The following UNC119B variants were observed in gnomAD, a reference collection of about 807,000 sequenced individuals.
UNC119B encodes the protein unc-119 lipid binding chaperone B.
A neutral mutation model predicts 23.4 loss-of-function variants in UNC119B; 16 were observed. That is an observed-to-expected ratio of 0.68 (90% confidence interval 0.46 to 1.04). UNC119B has a LOEUF of 1.04. UNC119B is among the 50% of genes least tolerant of loss of function. UNC119B has a pLI of 0.00. For synonymous variants in UNC119B, 144 were observed against 145.4 expected (o/e 0.99, Z 0.07); for missense variants, 350 against 361.3 (o/e 0.97, Z 0.25).
rs998904141 is a variant in UNC119B at position 120,721,472 on chromosome 12, A to T, written c.*1440A>T. ...GTACCTGTGACAGGAGAGTGTCCTG[A>T]TGTGCTTGGGAGAAAGGCCGTATGG... On this transcript the variant is annotated 3_prime_UTR_variant, in exon 5 of 5. Coordinates refer to ENST00000344651, the MANE Select transcript of UNC119B (RefSeq NM_001080533.3). 1 of 152,236 alleles carries T rather than the reference A, an allele frequency of 6.6e-6. No individual in the cohort carries two copies. Among genetic ancestry groups the T allele is most frequent in the African/African-American group, 2.4e-5 (1 of 41,414 alleles). 9.4% of individuals were successfully genotyped at this position (152,236 alleles called of 1,614,324 possible). A position where few individuals can be genotyped will look rare whatever the true frequency, so the allele number is the denominator to read the frequency against.
chr12:120,716,509 A>T, intron 2 of UNC119B, 119 bp from the exon 3 acceptor site: 1 of 1,035,592 alleles, frequency 9.7e-7, no homozygotes, highest in Middle Eastern at 3.0e-4. Context: ...AACACTGGCC[A>T]TTCTTCTTGT....
At chr12:120,719,338 A>G (rs988323174) in intron 4 of UNC119B, among the ~76,000 whole-genome samples, 1 of 152,250 alleles carries the variant, frequency 6.6e-6, no homozygotes, top group Non-Finnish European at 1.5e-5. Flanking sequence ...TTTACTTTAG[A>G]TCCCAAGACA....
In UNC119B at chr12:120,716,668, C is replaced by T. The variant is rs1882785842; in HGVS notation, c.399C>T (p.Asp133=). 1.2e-6 allele frequency: 2 copies of T among 1,614,086 alleles called. No individual in the cohort carries two copies. The highest frequency in any genetic ancestry group is 1.7e-6 in the Non-Finnish European group (2 of 1,180,046). ...AGGAGGAGGGAGGTGGAGACGTGGA[C>T]ATCAGCGCAGGACGTTTTGTCCGCT... ...EDEEEGGGDV[D]ISAGRFVRYQ... Residue 133 remains aspartate (D), a synonymous_variant, in exon 3 of 5, where the codon GAC becomes GAT. Coordinates refer to ENST00000344651, the MANE Select transcript of UNC119B (RefSeq NM_001080533.3).
At chr12:120,713,014 A>G (rs1049448542) in intron 1 of UNC119B, among the ~76,000 whole-genome samples, 7 of 152,262 alleles carry the variant, frequency 4.6e-5, no homozygotes, top group Admixed American at 3.9e-4. Context: ...TTTCCAAAGA[A>G]ATCCACCTTT....
rs1882899523 is a variant in UNC119B, at chr12:120,721,445, C to G, written c.*1413C>G. On this transcript the variant is annotated 3_prime_UTR_variant, in exon 5 of 5. Coordinates refer to ENST00000344651, the MANE Select transcript of UNC119B (RefSeq NM_001080533.3). ...TCTGGTAAGTGACTGTGAGGTGTCACAGTACCTGTGACAGGAGAGTGTCCT... is the reference window on the plus strand; with the variant it reads ...TCTGGTAAGTGACTGTGAGGTGTCAGAGTACCTGTGACAGGAGAGTGTCCT... 1 of 152,264 alleles carries G rather than the reference C, an allele frequency of 6.6e-6. No homozygotes were observed. 9.4% of individuals were successfully genotyped at this position (152,264 alleles called of 1,614,324 possible). A position where few individuals can be genotyped will look rare whatever the true frequency, so the allele number is the denominator to read the frequency against.
chr12:120,716,561 C>G, intron 2 of UNC119B, 67 bp from the exon 3 acceptor site: 8 of 1,543,958 alleles, frequency 5.2e-6, no homozygotes, highest in Non-Finnish European at 7.2e-6. Context: ...GCTGTTGGGA[C>G]TGGTGATAGA....
rs1325992259 is a variant in UNC119B at position 120,720,446 on chromosome 12, AAGGT to A, written c.*418_*421del. 1 of 162,038 alleles carries A rather than the reference AAGGT, an allele frequency of 6.2e-6. No individual in the cohort carries two copies. Among genetic ancestry groups the A allele is most frequent in the Non-Finnish European group, 1.3e-5 (1 of 74,768 alleles). 10.0% of individuals were successfully genotyped at this position (162,038 alleles called of 1,614,324 possible). A position where few individuals can be genotyped will look rare whatever the true frequency, so the allele number is the denominator to read the frequency against. ...GTTCCTGGGTGCTGTGGGAAGCTGAAAGGTAGGCCTCTTCCAGGTAGCTCCTCCT... is the reference window on the plus strand; with the variant it reads ...GTTCCTGGGTGCTGTGGGAAGCTGAAAGGCCTCTTCCAGGTAGCTCCTCCT... On this transcript the variant is annotated 3_prime_UTR_variant, in exon 5 of 5. Coordinates refer to ENST00000344651, the MANE Select transcript of UNC119B (RefSeq NM_001080533.3).
At chr12:120,719,696 C>T (rs1194436621) in intron 4 of UNC119B, among the ~76,000 whole-genome samples, 1 of 152,112 alleles carries the variant, frequency 6.6e-6, no homozygotes, top group African/African-American at 2.4e-5. Flanking sequence ...TTGATTGCAT[C>T]CTTATGTTGA....
chr12:120,719,385 C>G (rs939304552), intron 4 of UNC119B, among the ~76,000 whole-genome samples: 2 of 152,158 alleles, frequency 1.3e-5, no homozygotes, highest in Non-Finnish European at 2.9e-5. Flanking sequence ...GAGTTAATAC[C>G]CAGAAGGTCT....
At chr12:120,718,452 T>C (rs1882824746) in intron 4 of UNC119B, among the ~76,000 whole-genome samples, 1 of 152,178 alleles carries the variant, frequency 6.6e-6, no homozygotes, top group Admixed American at 6.5e-5. Context: ...GATAAAGTGT[T>C]GAGATAGATC....
chr12:120,717,762 C>T (rs1310225656), intron 4 of UNC119B, among the ~76,000 whole-genome samples: 2 of 151,552 alleles, frequency 1.3e-5, no homozygotes, highest in African/African-American at 4.8e-5. Context: ...CAGAGTTTCA[C>T]CATGTTGGTC....
chr12:120,710,498 T>TGCGGCC lies in UNC119B; in HGVS notation c.30_35dup (p.Ala11_Ala12dup), dbSNP rs777731144. 76 of 1,356,672 alleles carry TGCGGCC rather than the reference T, an allele frequency of 5.6e-5. No individual in the cohort carries two copies. In the African/African-American group the frequency reaches 8.2e-4, roughly 15 times the overall value. The allele number at this position is 1,356,672 out of a possible 1,614,324, so 84.0% of individuals were successfully genotyped here. A position where few individuals can be genotyped will look rare whatever the true frequency, so the allele number is the denominator to read the frequency against. On this transcript the variant is annotated inframe_insertion, in exon 1 of 5. Coordinates refer to ENST00000344651, the MANE Select transcript of UNC119B (RefSeq NM_001080533.3). ...CGATGAGCGGGTCTAACCCGAAGGC[T>TGCGGCC]GCGGCCGCGGCGTCGGCGGCTGGGC... is the stretch of plus-strand genomic sequence containing the variant.
Position 120,713,402 on chromosome 12 carries a change from TGTG to T in UNC119B, c.358+19_358+21del, listed in dbSNP as rs745374414. 6.3e-6 allele frequency: 10 copies of T among 1,583,604 alleles called. No individual in the cohort carries two copies. Among genetic ancestry groups the T allele is most frequent in the Non-Finnish European group, 8.7e-6 (10 of 1,154,002 alleles). Reference sequence around the variant, plus strand: ...TTGCGTTTCAGGTAGGCCTCTACGTTGTGGTGACCACTAGACAGTTTTGAGCCA... The same window carrying T: ...TTGCGTTTCAGGTAGGCCTCTACGTTGTGACCACTAGACAGTTTTGAGCCA... On this transcript the variant is annotated intron_variant, in intron 2 of 4. Transcript: ENST00000344651.
rs1436224804 is a variant in UNC119B, at chr12:120,720,545, C to T, written c.*513C>T. 1 of 150,394 alleles carries T rather than the reference C, an allele frequency of 6.6e-6. No individual in the cohort carries two copies. Among genetic ancestry groups the T allele is most frequent in the Non-Finnish European group, 1.5e-5 (1 of 67,530 alleles). 9.3% of individuals were successfully genotyped at this position (150,394 alleles called of 1,614,324 possible). ...GTGAAGTCTTAAACCAACTGGAAGACACTTGAAAGGGTGGGGAGGGAGGGA... is the reference window on the plus strand; with the variant it reads ...GTGAAGTCTTAAACCAACTGGAAGATACTTGAAAGGGTGGGGAGGGAGGGA... On this transcript the variant is annotated 3_prime_UTR_variant, in exon 5 of 5. Transcript: ENST00000344651.
Position 120,720,321 on chromosome 12 carries a change from C to T in UNC119B, c.*289C>T, listed in dbSNP as rs149912870. 1.2e-3 allele frequency: 356 copies of T among 293,046 alleles called. 1 individual carries two copies. Among genetic ancestry groups the T allele is most frequent in the African/African-American group, 7.0e-3 (317 of 45,244 alleles). The allele number at this position is 293,046 out of a possible 1,614,324, so 18.2% of individuals were successfully genotyped here. ...AATCCAGATAAAAAAGTTTATTTTC[C>T]GTAGTTCTGGCTGCCTGTTGGTTGT... On this transcript the variant is annotated 3_prime_UTR_variant, in exon 5 of 5. Coordinates refer to ENST00000344651, the MANE Select transcript of UNC119B (RefSeq NM_001080533.3).
chr12:120,716,638 G>A lies in UNC119B; in HGVS notation c.369G>A (p.Glu123=), dbSNP rs1031125941. Reference sequence around the variant, plus strand: ...TGTGTGCTCTTTCAGACCAGGAGGAGGATGAGGAGGAGGGAGGTGGAGACG... The same window carrying A: ...TGTGTGCTCTTTCAGACCAGGAGGAAGATGAGGAGGAGGGAGGTGGAGACG... ...IAKPCVSDQE[E]DEEEGGGDVD... The change falls in exon 3 of 5, where the codon GAG becomes GAA. Residue 123 remains glutamate, a synonymous_variant. Coordinates refer to ENST00000344651, the MANE Select transcript of UNC119B (RefSeq NM_001080533.3). 3 of 1,614,086 alleles carry A rather than the reference G, an allele frequency of 1.9e-6. No homozygotes were observed. In the African/African-American group the frequency reaches 4.0e-5, roughly 22 times the overall value.
At chr12:120,710,768 C>G in intron 1 of UNC119B, 50 bp downstream of exon 1, 3 of 1,288,776 alleles carry the variant, frequency 2.3e-6, no homozygotes, top group Non-Finnish European at 2.9e-6. Flanking sequence ...CCCCGGCTCC[C>G]GGAGCCTTCA....
chr12:120,720,719 G>C lies in UNC119B; in HGVS notation c.*687G>C, dbSNP rs1882878470. On this transcript the variant is annotated 3_prime_UTR_variant, in exon 5 of 5. Coordinates refer to ENST00000344651, the MANE Select transcript of UNC119B (RefSeq NM_001080533.3). ...AGTTTTCAGCCTGGCAGTGCCTTCT[G>C]TTCCCATTTTGGAGGACAGACAAGC... 1 of 152,310 alleles carries C rather than the reference G, an allele frequency of 6.6e-6. No homozygotes were observed. The allele number at this position is 152,310 out of a possible 1,614,324, so 9.4% of individuals were successfully genotyped here.
chr12:120,713,916 G>A (rs1325208890), intron 2 of UNC119B, among the ~76,000 whole-genome samples: 1 of 152,196 alleles, frequency 6.6e-6, no homozygotes, highest in Non-Finnish European at 1.5e-5. Flanking sequence ...CCCAGACCTA[G>A]TTTGGATTTT....
Sources: gnomAD v4.1 joint callset for allele counts (sites outside exome capture counted in the v4.1 genomes callset) on GRCh38, gnomAD v4.1.1 for gene constraint, MANE v1.5 for transcripts, NCBI Gene and HGNC (gene_info 2026-07-23, HGNC 2026-07-21) for gene names.